The following PLD5 variants were observed in gnomAD, a reference collection of about 807,000 sequenced individuals.
PLD5 encodes phospholipase D family member 5.
Under a neutral mutation model 61.1 loss-of-function variants are expected in PLD5, and 36 were observed. The observed-to-expected ratio is 0.59, with a 90% CI of 0.45 to 0.78. The LOEUF (loss-of-function observed/expected upper bound fraction) is 0.78. Ranked by LOEUF, PLD5 falls within the 30% of genes least tolerant of loss-of-function variation. The probability of loss-of-function intolerance (pLI) is 0.00; values close to 1 mark genes in which losing one functional copy is unlikely to be tolerated. For missense variants in PLD5, 515 were observed against 644.4 expected (o/e 0.80, Z 2.17); for synonymous variants, 243 against 242.8 (o/e 1.00, Z -0.01).
chr1:242,346,016 C>G (rs556118099), intron 2 of PLD5, among the ~76,000 whole-genome samples: 6 of 93,468 alleles, frequency 6.4e-5, no homozygotes, highest in East Asian at 4.5e-4. Flanking sequence ...AAAGATCTCC[C>G]CCCCCCCCAT....
intron 5 of PLD5, among the ~76,000 whole-genome samples, chr1:242,187,664 C>G (rs1667991088): frequency 6.6e-6 from 1 of 152,166 alleles, no homozygotes; most frequent in Non-Finnish European, 1.5e-5. Context: ...GATTCACAGG[C>G]TGTTCCCTTT....
chr1:242,135,706 T>C (rs963628847), intron 5 of PLD5, among the ~76,000 whole-genome samples: 5 of 152,148 alleles, frequency 3.3e-5, no homozygotes, highest in African/African-American at 7.2e-5. Context: ...AGGGTCATGA[T>C]TGAATCTCAG....
chr1:242,391,576 G>A (rs1047687030), intron 1 of PLD5, among the ~76,000 whole-genome samples: 4 of 152,086 alleles, frequency 2.6e-5, no homozygotes, highest in Non-Finnish European at 5.9e-5. Flanking sequence ...AGAAGTGAAG[G>A]TATAGTCAAT....
At chr1:242,270,776 A>G (rs1471685522) in intron 3 of PLD5, among the ~76,000 whole-genome samples, 1 of 152,200 alleles carries the variant, frequency 6.6e-6, no homozygotes, top group African/African-American at 2.4e-5. Flanking sequence ...GGCTGGGTAT[A>G]TGAGGGGAGA....
Position 242,265,372 on chromosome 1 carries a change from G to C in PLD5, c.572C>G (p.Ala191Gly). Residue 191 changes from alanine to glycine, a missense_variant, in exon 4 of 10, where the codon GCT (alanine) becomes GGT (glycine). Ala to Gly is a moderately conservative substitution (Grantham distance 60). Around this residue, in one of 2 missense-constraint regions of PLD5, gnomAD observed 450 missense variants for 598.1 expected, o/e 0.75. Transcript: ENST00000536534. ...IEIKLVSDVTADSKVLEALKL... is the reference protein window; with the variant it reads ...IEIKLVSDVTGDSKVLEALKL... ...CAAGGCTTCTAATACCTTTGAATCA[G>C]CTGTTACATCACTCACTAGCTTGAT... is the stretch of plus-strand genomic sequence containing the variant. 1 of 1,612,710 alleles carries C rather than the reference G, an allele frequency of 6.2e-7. No individual in the cohort carries two copies. The highest frequency in any genetic ancestry group is 8.5e-7 in the Non-Finnish European group (1 of 1,179,574).
At chr1:242,354,838 G>T (rs1284667910) in intron 1 of PLD5, among the ~76,000 whole-genome samples, 1 of 151,684 alleles carries the variant, frequency 6.6e-6, no homozygotes, top group Non-Finnish European at 1.5e-5. Context: ...ACCATGAAAG[G>T]ATGTTAAATT....
intron 1 of PLD5, among the ~76,000 whole-genome samples, chr1:242,511,279 G>A (rs1157679919): frequency 1.3e-5 from 2 of 152,150 alleles, no homozygotes; most frequent in Non-Finnish European, 2.9e-5. Context: ...ATAAGATATT[G>A]AGGGAAAATA....
chr1:242,222,227 T>TC (rs1220195426), intron 4 of PLD5, among the ~76,000 whole-genome samples: 1 of 152,000 alleles, frequency 6.6e-6, no homozygotes, highest in Non-Finnish European at 1.5e-5. Flanking sequence ...ATCTGTAAAA[T>TC]CCCCATTTTC....
chr1:242,321,914 C>T (rs188605030), intron 2 of PLD5, among the ~76,000 whole-genome samples: 1 of 152,228 alleles, frequency 6.6e-6, no homozygotes, highest in East Asian at 1.9e-4. Flanking sequence ...TAGGGATTCT[C>T]TTTTTTAACT....
At chr1:242,198,070 CTGAATGAA>C (rs58830670) in intron 5 of PLD5, among the ~76,000 whole-genome samples, 60 of 150,382 alleles carry the variant, frequency 4.0e-4, no homozygotes, top group African/African-American at 1.2e-3. Flanking sequence ...CAAATCCTTG[CTGAATGAA>C]TGAATGAATG....
intron 1 of PLD5, among the ~76,000 whole-genome samples, chr1:242,412,104 T>C (rs1309767672): frequency 1.3e-5 from 2 of 152,154 alleles, no homozygotes; most frequent in African/African-American, 4.8e-5. Flanking sequence ...GAATGACTCA[T>C]CTCATCCTGT....
intron 5 of PLD5, among the ~76,000 whole-genome samples, chr1:242,176,475 T>C (rs1667154674): frequency 6.6e-6 from 1 of 152,078 alleles, no homozygotes; most frequent in Non-Finnish European, 1.5e-5. Context: ...TGGAAAACCA[T>C]AAAAATCCTA....
chr1:242,113,285 G>GGGTT (rs1454284377), intron 7 of PLD5, among the ~76,000 whole-genome samples: 1 of 151,870 alleles, frequency 6.6e-6, no homozygotes, highest in Non-Finnish European at 1.5e-5. Flanking sequence ...AGTGGAGACG[G>GGGTT]GGTTTCACCA....
chr1:242,167,014 C>T (rs1259309134), intron 5 of PLD5, among the ~76,000 whole-genome samples: 2 of 150,902 alleles, frequency 1.3e-5, no homozygotes, highest in Non-Finnish European at 2.9e-5. Context: ...ACCATTATTC[C>T]TACTATAAAG....
At chr1:242,311,741 C>A (rs1235816085) in intron 2 of PLD5, among the ~76,000 whole-genome samples, 1 of 152,222 alleles carries the variant, frequency 6.6e-6, no homozygotes, top group Non-Finnish European at 1.5e-5. Flanking sequence ...TGCATTTGTA[C>A]ATTTATGTCT....
At position 242,336,172 on chromosome 1, in the gene PLD5, T is replaced by C. The variant is rs767507365; in HGVS notation, c.326+11934A>G. Among the ~76,000 whole-genome samples the C allele has an allele frequency of 2.6e-5, 4 of 152,220 alleles. No homozygotes were observed. The East Asian group carries it at 5.8e-4, about 22-fold the overall frequency. On this transcript the variant is annotated intron_variant, in intron 2 of 9. Transcript: ENST00000536534. The stretch of plus-strand genomic sequence containing the variant: ...ATAAAGAATTTGATAATTTGTGATG[T>C]TGACAATCGTGGGGGAAAACAAATA...
intron 1 of PLD5, among the ~76,000 whole-genome samples, chr1:242,448,844 A>C (rs1666660429): frequency 6.6e-6 from 1 of 152,234 alleles, no homozygotes; most frequent in Non-Finnish European, 1.5e-5. Flanking sequence ...TCAAAAGAAA[A>C]AAAAAATCAC....
intron 1 of PLD5, among the ~76,000 whole-genome samples, chr1:242,362,559 T>C (rs1661127434): frequency 6.6e-6 from 1 of 152,194 alleles, no homozygotes; most frequent in Non-Finnish European, 1.5e-5. Flanking sequence ...CTAGATGTGC[T>C]GTTATCTTGA....
intron 9 of PLD5, among the ~76,000 whole-genome samples, chr1:242,098,056 A>G (rs887618322): frequency 1.3e-4 from 20 of 152,094 alleles, no homozygotes; most frequent in Non-Finnish European, 1.5e-5. Context: ...CCTCTTCTCA[A>G]GGAGTATCTT....
Sources: gnomAD v4.1 joint callset for allele counts (sites outside exome capture counted in the v4.1 genomes callset) on GRCh38, gnomAD v4.1.1 for gene constraint, gnomAD v4.1.1 regional missense constraint, MANE v1.5 for transcripts, NCBI Gene and HGNC (gene_info 2026-07-23, HGNC 2026-07-21) for gene names.